The following EXOC4 variants were observed in gnomAD, a reference collection of about 807,000 sequenced individuals.
EXOC4 encodes exocyst complex component 4.
A neutral mutation model predicts 107.2 loss-of-function variants in EXOC4; 71 were observed. That is an observed-to-expected ratio of 0.66 (90% confidence interval 0.55 to 0.81). The LOEUF is 0.81. EXOC4 is among the 30% of genes least tolerant of loss of function. EXOC4 has a pLI of 0.00. For missense variants in EXOC4, 1,108 were observed against 1,189.6 expected (o/e 0.93, Z 1.01); for synonymous variants, 456 against 441.2 (o/e 1.03, Z -0.42).
At chr7:133,902,826 G>C (rs1190482176) in intron 12 of EXOC4, among the ~76,000 whole-genome samples, 3 of 151,560 alleles carry the variant, frequency 2.0e-5, no homozygotes, top group African/African-American at 4.9e-5. Context: ...CTGCACTCCA[G>C]CCTGGCGACA....
intron 10 of EXOC4, among the ~76,000 whole-genome samples, chr7:133,799,919 A>C (rs886322565): frequency 3.9e-5 from 6 of 152,212 alleles, no homozygotes; most frequent in African/African-American, 1.4e-4. Flanking sequence ...TTTAAAGGAA[A>C]TAATGCACAC....
At chr7:133,757,382 C>T (rs1386683815) in intron 10 of EXOC4, among the ~76,000 whole-genome samples, 1 of 152,130 alleles carries the variant, frequency 6.6e-6, no homozygotes. Context: ...ATTGTGTTTG[C>T]TTTGTGATTT....
chr7:133,971,391 GAGAGAGAGAGAA>G (rs1454825523), intron 14 of EXOC4, among the ~76,000 whole-genome samples: 2 of 142,182 alleles, frequency 1.4e-5, no homozygotes, highest in East Asian at 4.2e-4. Context: ...GAGAGAGAGA[GAGAGAGAGAGAA>G]AGAGAGAGAG....
At chr7:133,994,645 G>A (rs371702934) in intron 14 of EXOC4, among the ~76,000 whole-genome samples, 9 of 152,212 alleles carry the variant, frequency 5.9e-5, no homozygotes, top group Admixed American at 2.6e-4. Context: ...TTCATAAAGC[G>A]ATCAAGCACT....
chr7:133,528,081 A>G lies in EXOC4; in HGVS notation c.1417+47943A>G, dbSNP rs117759480. On this transcript the variant is annotated intron_variant, in intron 9 of 17. Coordinates refer to ENST00000253861, the MANE Select transcript of EXOC4 (RefSeq NM_021807.4). ...TTGCATTTCTAATTGCCACACTTTG[A>G]TAACCACTATATTGTCCATTTAATT... Among the ~76,000 whole-genome samples the G allele has an allele frequency of 8.7e-4, 133 of 152,312 alleles. 1 individual carries two copies. The East Asian group carries it at 0.025, about 28-fold the overall frequency.
At chr7:133,778,583 C>G (rs1424456608) in intron 10 of EXOC4, among the ~76,000 whole-genome samples, 3 of 152,100 alleles carry the variant, frequency 2.0e-5, no homozygotes, top group Non-Finnish European at 2.9e-5. Flanking sequence ...GACTCTGTCT[C>G]AAAAAACAAA....
At chr7:133,905,418 A>G (rs1018237845) in intron 12 of EXOC4, among the ~76,000 whole-genome samples, 1 of 151,874 alleles carries the variant, frequency 6.6e-6, no homozygotes, top group Admixed American at 6.6e-5. Flanking sequence ...TTAAAGGGAA[A>G]CTCAGCTGTG....
intron 11 of EXOC4, among the ~76,000 whole-genome samples, chr7:133,820,820 G>A (rs755328108): frequency 1.3e-5 from 2 of 152,162 alleles, no homozygotes; most frequent in Non-Finnish European, 2.9e-5. Context: ...GGACAGACAC[G>A]GTGCCTAGGA....
At chr7:133,841,448 G>A (rs1250989909) in intron 11 of EXOC4, among the ~76,000 whole-genome samples, 1 of 152,158 alleles carries the variant, frequency 6.6e-6, no homozygotes, top group African/African-American at 2.4e-5. Context: ...TAGGAAGATG[G>A]CATGTGCTGA....
intron 9 of EXOC4, among the ~76,000 whole-genome samples, chr7:133,493,958 T>C (rs1400495810): frequency 6.6e-6 from 1 of 152,152 alleles, no homozygotes; most frequent in Non-Finnish European, 1.5e-5. Context: ...ACACAAATAA[T>C]TTAGGACGGT....
At chr7:133,883,288 T>C (rs1393839839) in intron 11 of EXOC4, among the ~76,000 whole-genome samples, 20 of 151,908 alleles carry the variant, frequency 1.3e-4, no homozygotes, top group Admixed American at 1.3e-3. Flanking sequence ...CTTTGCCCAC[T>C]TTGCCCACTT....
chr7:133,321,322 G>A (rs1180588358), intron 5 of EXOC4, among the ~76,000 whole-genome samples: 1 of 151,894 alleles, frequency 6.6e-6, no homozygotes, highest in Non-Finnish European at 1.5e-5. Flanking sequence ...TGTGCAGAAT[G>A]TATAGTTTTG....
At chr7:133,363,860 AAATAATACTGGATCTTTTCATTGC>A (rs1796187462) in intron 6 of EXOC4, among the ~76,000 whole-genome samples, 5 of 152,168 alleles carry the variant, frequency 3.3e-5, no homozygotes, top group Admixed American at 3.3e-4. Context: ...TCCAAGTTCA[AAATAATACTGGATCTTTTCATTGC>A]AAAAATGAAC....
At chr7:133,578,768 C>G (rs7787434) in intron 9 of EXOC4, among the ~76,000 whole-genome samples, 95,343 of 151,628 alleles carry the variant, frequency 0.63, 31,004 homozygotes, top group South Asian at 0.73. Flanking sequence ...AGCAAAGAAA[C>G]AAATCTTTAA....
At chr7:133,592,378 A>G (rs571435553) in intron 9 of EXOC4, among the ~76,000 whole-genome samples, 2 of 152,300 alleles carry the variant, frequency 1.3e-5, no homozygotes, top group African/African-American at 4.8e-5. Flanking sequence ...AGAAATGTTT[A>G]TACCTGGGAA....
At chr7:133,899,184 A>G (rs1382520842) in intron 12 of EXOC4, among the ~76,000 whole-genome samples, 2 of 151,990 alleles carry the variant, frequency 1.3e-5, no homozygotes, top group African/African-American at 4.8e-5. Flanking sequence ...AATAATGTTG[A>G]TAAATAGTAA....
At chr7:133,799,959 TAGTG>T (rs1796898660) in intron 10 of EXOC4, among the ~76,000 whole-genome samples, 1 of 152,150 alleles carries the variant, frequency 6.6e-6, no homozygotes, top group Non-Finnish European at 1.5e-5. Context: ...ACCAAGAACT[TAGTG>T]AGTCAGGTAG....
In EXOC4 at chr7:133,480,168, A is replaced by G. The variant is rs1189594265; in HGVS notation, c.1417+30A>G. ...GTGATTGAGCTTCTCTGGAAAAATT[A>G]ATTTTCTGGAGGAGTATTTCCTTTA... is the stretch of plus-strand genomic sequence containing the variant. On this transcript the variant is annotated intron_variant, in intron 9 of 17. Coordinates refer to ENST00000253861, the MANE Select transcript of EXOC4 (RefSeq NM_021807.4). 3 of 1,609,890 alleles carry G rather than the reference A, an allele frequency of 1.9e-6. No individual in the cohort carries two copies. The African/African-American group carries it at 4.0e-5, about 22-fold the overall frequency.
chr7:133,435,426 T>C (rs1278809136), intron 7 of EXOC4, among the ~76,000 whole-genome samples: 1 of 152,194 alleles, frequency 6.6e-6, no homozygotes, highest in Non-Finnish European at 1.5e-5. Flanking sequence ...TGCTCAACTA[T>C]TGTGGTATAA....
Sources: allele counts gnomAD v4.1 joint callset (sites outside exome capture counted in the v4.1 genomes callset), GRCh38; gene constraint gnomAD v4.1.1; transcripts MANE v1.5; gene names NCBI Gene and HGNC (gene_info 2026-07-23, HGNC 2026-07-21).